NRG4: variants seen among roughly 807,000 people sequenced by gnomAD.
NRG4 encodes neuregulin 4.
NRG4 carries 10 observed loss-of-function variants against 15.0 expected under a neutral mutation model. That is an observed-to-expected ratio of 0.67 (90% CI 0.41 to 1.13). NRG4 has a LOEUF of 1.13. NRG4 is among the 50% of genes most tolerant of loss of function. NRG4 has a pLI of 0.00. For synonymous variants in NRG4, 41 were observed against 50.1 expected (o/e 0.82, Z 0.77); for missense variants, 139 against 140.2 (o/e 0.99, Z 0.04).
chr15:76,027,121 AAAAATAAAATAAAAT>A lies in NRG4; in HGVS notation c.-57+8808_-57+8822del, dbSNP rs958991312. Among the ~76,000 whole-genome samples the A allele has an allele frequency of 2.0e-5, 3 of 152,200 alleles. No individual in the cohort carries two copies. The South Asian group carries it at 6.2e-4, about 32-fold the overall frequency. ...GAGGGACAGAGCGGGACTCCATCTCAAAAATAAAATAAAATAAAATAAAATAAAAACAAGAACCAA... is the reference window on the plus strand; with the variant it reads ...GAGGGACAGAGCGGGACTCCATCTCAAAAATAAAATAAAAACAAGAACCAA... On this transcript the variant is annotated intron_variant, in intron 5 of 8. Coordinates refer to the NRG4 transcript ENST00000563910.
At chr15:76,001,751 T>C (rs763972921) in intron 3 of NRG4, among the ~76,000 whole-genome samples, 10 of 152,176 alleles carry the variant, frequency 6.6e-5, no homozygotes, top group Non-Finnish European at 1.2e-4. Context: ...GGAGGAAAAA[T>C]GTTAACAGAC....
At chr15:76,020,453 A>G (rs2035118518) in intron 5 of NRG4, among the ~76,000 whole-genome samples, 1 of 152,196 alleles carries the variant, frequency 6.6e-6, no homozygotes, top group East Asian at 1.9e-4. Flanking sequence ...TTTATGGAGA[A>G]AGTTTTAGTG....
At chr15:76,038,128 G>A (rs575087043) in intron 4 of NRG4, among the ~76,000 whole-genome samples, 1 of 152,362 alleles carries the variant, frequency 6.6e-6, no homozygotes, top group South Asian at 2.1e-4. Context: ...AGTATGGCAT[G>A]GGCCTTGGGT....
intron 4 of NRG4, among the ~76,000 whole-genome samples, chr15:75,957,872 G>A (rs112546480): frequency 1.2e-3 from 179 of 152,008 alleles, no homozygotes; most frequent in African/African-American, 4.2e-3. Flanking sequence ...TTAATCTGCT[G>A]TTTAAAGACA....
At chr15:75,939,444 A>G (rs2030712323), downstream of NRG4, 2 of 152,200 alleles carry the variant, frequency 1.3e-5, no homozygotes, top group Admixed American at 6.5e-5. Context: ...CCTGGAAAAA[A>G]AGCACTGGAC....
At chr15:75,988,793 A>G (rs1226963074) in intron 3 of NRG4, among the ~76,000 whole-genome samples, 2 of 151,680 alleles carry the variant, frequency 1.3e-5, no homozygotes, top group Non-Finnish European at 2.9e-5. Flanking sequence ...GAGGAATAAA[A>G]CGAAGGTATG....
chr15:75,983,718 T>C (rs1197334435), intron 3 of NRG4, among the ~76,000 whole-genome samples: 3 of 151,998 alleles, frequency 2.0e-5, no homozygotes, highest in Non-Finnish European at 4.4e-5. Context: ...AATTAGAAGA[T>C]AGGCAGGAAA....
At chr15:76,040,434 T>C (rs2035706617) in intron 4 of NRG4, among the ~76,000 whole-genome samples, 1 of 152,184 alleles carries the variant, frequency 6.6e-6, no homozygotes, top group Admixed American at 6.5e-5. Flanking sequence ...AAGGGAGTAC[T>C]TCTATCAGAA....
downstream of NRG4, chr15:75,939,880 T>G (rs768258083): frequency 5.9e-5 from 9 of 152,080 alleles, no homozygotes; most frequent in Admixed American, 2.0e-4. Context: ...GGAAACTACC[T>G]GAACATAATA....
downstream of NRG4, chr15:75,935,711 T>C (rs965941638): frequency 5.3e-5 from 8 of 151,734 alleles, no homozygotes; most frequent in African/African-American, 1.9e-4. Flanking sequence ...GCAAAAGACG[T>C]GCAACTGGTT....
intron 4 of NRG4, among the ~76,000 whole-genome samples, chr15:75,960,655 G>C (rs575521597): frequency 7.2e-5 from 11 of 152,252 alleles, no homozygotes; most frequent in African/African-American, 2.2e-4. Context: ...AGCATCCCAA[G>C]TAGTCTATGA....
Position 76,009,278 on chromosome 15 carries a change from C to G in NRG4, c.26G>C (p.Cys9Ser). The change falls in exon 3 of 6, where the codon TGT (cysteine) becomes TCT (serine). Residue 9 changes from cysteine (C) to serine (S), a missense_variant. Transcript: ENST00000394907. MPTDHEEPCGPSHKSFCLN... is the reference protein window; with the variant it reads MPTDHEEPSGPSHKSFCLN... ...GCAAAACGACTTGTGACTGGGACCA[C>G]AGGGCTCTTCGTGATCTAGAACACA... 1.3e-6 allele frequency: 2 copies of G among 1,583,534 alleles called. No homozygotes were observed. The highest frequency in any genetic ancestry group is 1.7e-6 in the Non-Finnish European group (2 of 1,159,772).
At chr15:75,951,167 T>TC (rs1311104240) in intron 5 of NRG4, 21 of 129,868 alleles carry the variant, frequency 1.6e-4, no homozygotes, top group Non-Finnish European at 2.4e-4. Context: ...TTTTTTCTTT[T>TC]TTTTTTTTTT....
At chr15:76,046,913 A>C (rs2035881764) in intron 4 of NRG4, among the ~76,000 whole-genome samples, 1 of 151,052 alleles carries the variant, frequency 6.6e-6, no homozygotes, top group African/African-American at 2.5e-5. Context: ...CATTTGACAA[A>C]GAATCAATAA....
intron 1 of NRG4, chr15:76,011,944 A>G (rs929623420): frequency 6.6e-6 from 1 of 152,188 alleles, no homozygotes; most frequent in African/African-American, 2.4e-5. Flanking sequence ...ACATTCTTAC[A>G]TATGAAGTTT....
intron 5 of NRG4, among the ~76,000 whole-genome samples, chr15:76,028,865 T>C (rs1188523119): frequency 7.4e-6 from 1 of 134,896 alleles, no homozygotes; most frequent in African/African-American, 2.9e-5. Context: ...GATGTGCCAC[T>C]GCACTCCAGC....
chr15:76,019,624 C>T lies in NRG4; in HGVS notation c.-56-8338G>A, dbSNP rs180821357. 2.5e-3 allele frequency among the ~76,000 whole-genome samples: 374 copies of T among 152,278 alleles called. 1 individual carries two copies. Among genetic ancestry groups the T allele is most frequent in the African/African-American group, 8.6e-3 (359 of 41,558 alleles). Reference sequence around the variant, plus strand: ...AGTTCCCCAATCCCTTGCACTTCCCCGGTGAGGCGACACCCCACCCTGCTT... The same window carrying T: ...AGTTCCCCAATCCCTTGCACTTCCCTGGTGAGGCGACACCCCACCCTGCTT... On this transcript the variant is annotated intron_variant, in intron 5 of 8. Transcript: ENST00000563910.
intron 5 of NRG4, among the ~76,000 whole-genome samples, chr15:76,033,192 T>C (rs185301294): frequency 2.6e-5 from 4 of 152,364 alleles, no homozygotes; most frequent in Admixed American, 2.6e-4. Context: ...CAATTTTACA[T>C]GTGAATTGAA....
At chr15:76,015,555 A>AT (rs1410788972), upstream of NRG4, among the ~76,000 whole-genome samples, 1 of 152,192 alleles carries the variant, frequency 6.6e-6, no homozygotes, top group Non-Finnish European at 1.5e-5. Flanking sequence ...TTTAGCATAA[A>AT]GGGGTATTGA....
Sources: allele counts gnomAD v4.1 joint callset (sites outside exome capture counted in the v4.1 genomes callset), GRCh38; gene constraint gnomAD v4.1.1; transcripts MANE v1.5; gene names NCBI Gene and HGNC (gene_info 2026-07-23, HGNC 2026-07-21).